IL1RAPL1: variants seen among roughly 807,000 people sequenced by gnomAD.
The protein encoded by IL1RAPL1 is interleukin 1 receptor accessory protein like 1.
Under a neutral mutation model 48.4 loss-of-function variants are expected in IL1RAPL1, and 3 were observed. The observed-to-expected ratio is 0.06, with a 90% CI of 0.03 to 0.16. IL1RAPL1 has a LOEUF of 0.16. Among genes scored for constraint, IL1RAPL1 ranks in the 10% least tolerant of loss-of-function variants. IL1RAPL1 has a pLI of 1.00. For synonymous variants in IL1RAPL1, 185 were observed against 187.7 expected, an observed-to-expected ratio of 0.99 and a Z score of 0.12; for missense variants, 349 against 530.6, an observed-to-expected ratio of 0.66 and a Z score of 3.36.
At chrX:28,852,240 C>T (rs1921680341) in intron 2 of IL1RAPL1, among the ~76,000 whole-genome samples, 1 of 111,424 alleles carries the variant, frequency 9.0e-6, no homozygotes, top group South Asian at 3.7e-4. Flanking sequence ...TAGACAATAG[C>T]ATGACAATTT....
chrX:28,853,287 T>G (rs1210587538), intron 2 of IL1RAPL1, among the ~76,000 whole-genome samples: 1 of 111,878 alleles, frequency 8.9e-6, no homozygotes, highest in African/African-American at 3.2e-5. Context: ...GCCTAAAATG[T>G]AGGTATCATT....
chrX:29,549,181 G>T (rs1335254296), intron 5 of IL1RAPL1, among the ~76,000 whole-genome samples: 1 of 111,896 alleles, frequency 8.9e-6, no homozygotes, highest in Non-Finnish European at 1.9e-5. Context: ...GAAAATTACA[G>T]AAATGATTTC....
At chrX:29,334,953 G>A (rs1290906215) in intron 3 of IL1RAPL1, among the ~76,000 whole-genome samples, 56 of 112,563 alleles carry the variant, frequency 5.0e-4, no homozygotes, top group South Asian at 1.1e-3. Context: ...GTAGCGAGCC[G>A]AGATCACGCC....
At chrX:28,706,794 T>C in intron 1 of IL1RAPL1, among the ~76,000 whole-genome samples, 1 of 111,851 alleles carries the variant, frequency 8.9e-6, no homozygotes. Context: ...ACTTTGATAA[T>C]AGCCACCCAA....
intron 2 of IL1RAPL1, among the ~76,000 whole-genome samples, chrX:29,073,973 C>A (rs774024306): frequency 9.0e-6 from 1 of 111,294 alleles, no homozygotes; most frequent in Non-Finnish European, 1.9e-5. Context: ...ATTAGGCTGC[C>A]TCTTCTTAAC....
intron 2 of IL1RAPL1, among the ~76,000 whole-genome samples, chrX:29,102,395 G>A (rs961108036): frequency 2.7e-5 from 3 of 112,057 alleles, no homozygotes; most frequent in Non-Finnish European, 3.8e-5. Flanking sequence ...GGCCAGGCAC[G>A]GTGGCTCACG....
At chrX:29,886,551 A>G (rs1419546748) in intron 6 of IL1RAPL1, among the ~76,000 whole-genome samples, 1 of 112,466 alleles carries the variant, frequency 8.9e-6, no homozygotes, top group Non-Finnish European at 1.9e-5. Context: ...TCAGAATTTC[A>G]TATTAGATCA....
At chrX:29,333,445 G>GAACCCCCCCC (rs1932915250) in intron 3 of IL1RAPL1, among the ~76,000 whole-genome samples, 1 of 82,571 alleles carries the variant, frequency 1.2e-5, no homozygotes, top group Non-Finnish European at 2.5e-5. Context: ...GCGGCTGGCC[G>GAACCCCCCCC]GGCAGAGGGG....
intron 2 of IL1RAPL1, among the ~76,000 whole-genome samples, chrX:28,834,643 C>T (rs761070749): frequency 9.0e-6 from 1 of 111,191 alleles, no homozygotes; most frequent in African/African-American, 3.3e-5. Flanking sequence ...TGTTTATGTT[C>T]GCTTTGAGCT....
At chrX:29,599,518 ATTTCCTGGGTGTTCTT>A (rs1450100718) in intron 5 of IL1RAPL1, among the ~76,000 whole-genome samples, 2 of 111,834 alleles carry the variant, frequency 1.8e-5, no homozygotes, top group Non-Finnish European at 3.8e-5. Context: ...TTTGCAGTGA[ATTTCCTGGGTGTTCTT>A]TGAGCTTCTT....
chrX:28,913,803 A>G (rs1014581653), intron 2 of IL1RAPL1, among the ~76,000 whole-genome samples: 20 of 112,093 alleles, frequency 1.8e-4, no homozygotes, highest in Non-Finnish European at 1.9e-4. Flanking sequence ...AATCTGATGA[A>G]ATGGAACAAT....
chrX:29,212,946 A>T (rs1444616938), intron 2 of IL1RAPL1, among the ~76,000 whole-genome samples: 1 of 112,015 alleles, frequency 8.9e-6, no homozygotes, highest in Admixed American at 9.5e-5. Context: ...GGACCCGTGC[A>T]GTTCAAACCT....
At chrX:28,926,171 A>C (rs778514121) in intron 2 of IL1RAPL1, among the ~76,000 whole-genome samples, 14 of 111,804 alleles carry the variant, frequency 1.3e-4, no homozygotes, top group Non-Finnish European at 2.6e-4. Flanking sequence ...CTAACAGCCA[A>C]ATGTGCCTAG....
At chrX:29,845,211 A>G (rs754452518) in intron 6 of IL1RAPL1, among the ~76,000 whole-genome samples, 95 of 111,887 alleles carry the variant, frequency 8.5e-4, no homozygotes, top group Non-Finnish European at 1.4e-3. Flanking sequence ...TATTTGAAAT[A>G]AGAAAACAAG....
chrX:29,285,174 G>T (rs188589676), intron 3 of IL1RAPL1, among the ~76,000 whole-genome samples: 92 of 110,633 alleles, frequency 8.3e-4, no homozygotes, highest in Non-Finnish European at 5.9e-4. Flanking sequence ...AAACACTGAG[G>T]TTGCAATTCT....
chrX:29,543,606 A>G (rs1921514041), intron 5 of IL1RAPL1, among the ~76,000 whole-genome samples: 1 of 110,937 alleles, frequency 9.0e-6, no homozygotes, highest in African/African-American at 3.3e-5. Context: ...ATATATATAT[A>G]TAACTCAACA....
At chrX:29,267,085 C>T (rs1017407140) in intron 2 of IL1RAPL1, among the ~76,000 whole-genome samples, 1 of 111,875 alleles carries the variant, frequency 8.9e-6, no homozygotes, top group South Asian at 3.7e-4. Context: ...CCTAGGACCA[C>T]AAACTCTATG....
intron 3 of IL1RAPL1, among the ~76,000 whole-genome samples, chrX:29,381,187 A>G (rs1202618998): frequency 9.1e-6 from 1 of 110,291 alleles, no homozygotes; most frequent in Non-Finnish European, 1.9e-5. Flanking sequence ...CATACAAAAA[A>G]ATTAATAGCT....
chrX:28,683,049 A>C (rs1358551015), intron 1 of IL1RAPL1, among the ~76,000 whole-genome samples: 1 of 112,185 alleles, frequency 8.9e-6, no homozygotes, highest in Non-Finnish European at 1.9e-5. Context: ...GATGGGCTTT[A>C]AAGGAATCAT....
Sources: allele counts gnomAD v4.1 joint callset (sites outside exome capture counted in the v4.1 genomes callset), GRCh38; gene constraint gnomAD v4.1.1; transcripts MANE v1.5; gene names NCBI Gene and HGNC (gene_info 2026-07-23, HGNC 2026-07-21).